ARHGAP11A: variants seen among roughly 807,000 people sequenced by gnomAD.
ARHGAP11A encodes the protein rho GTPase-activating protein 11A.
In ARHGAP11A, 36 loss-of-function variants were observed where a neutral mutation model predicts 60.5. That is an observed-to-expected ratio of 0.59 (90% CI 0.46 to 0.79). The LOEUF is 0.79. Among genes scored for constraint, ARHGAP11A ranks in the 30% least tolerant of loss-of-function variants. The pLI is 0.00. For missense variants in ARHGAP11A, 1,071 were observed against 1,199.2 expected, an observed-to-expected ratio of 0.89 and a Z score of 1.58; for synonymous variants, 362 against 415.5, an observed-to-expected ratio of 0.87 and a Z score of 1.57.
rs1595765895 is a variant in ARHGAP11A at position 32,625,771 on chromosome 15, A to G, written c.862+138A>G. On this transcript the variant is annotated intron_variant, in intron 6 of 11. Transcript: ENST00000361627. ...CTGGAAAGATAGGACGTATGCGTGT[A>G]AAAAGTTAAAGCGATAGTACAATCT... 5 of 845,390 alleles carry G rather than the reference A, an allele frequency of 5.9e-6. No homozygotes were observed. In the East Asian group the frequency reaches 1.2e-4, roughly 21 times the overall value. 52.4% of individuals were successfully genotyped at this position (845,390 alleles called of 1,614,324 possible).
intron 1 of ARHGAP11A, among the ~76,000 whole-genome samples, chr15:32,617,567 G>A (rs1213167032): frequency 6.7e-6 from 1 of 149,972 alleles, no homozygotes; most frequent in Non-Finnish European, 1.5e-5. Context: ...TGCCTCCCGG[G>A]TTCACGCCAT....
At chr15:32,615,362 T>C (rs1349217562), upstream of ARHGAP11A, 1 of 152,152 alleles carries the variant, frequency 6.6e-6, no homozygotes, top group Non-Finnish European at 1.5e-5. Flanking sequence ...GTTTGCCCGT[T>C]ACACCCCTTC....
chr15:32,619,628 G>A (rs1186732233), intron 1 of ARHGAP11A, among the ~76,000 whole-genome samples: 1 of 152,052 alleles, frequency 6.6e-6, no homozygotes, highest in Non-Finnish European at 1.5e-5. Flanking sequence ...ATTTTAGGAA[G>A]ACTCAATGAA....
In ARHGAP11A at chr15:32,636,410, T is replaced by TA; in HGVS notation, c.1638dup (p.Glu547ArgfsTer7). 6.2e-7 allele frequency: 1 copy of TA among 1,614,066 alleles called. No homozygotes were observed. The highest frequency in any genetic ancestry group is 8.5e-7 in the Non-Finnish European group (1 of 1,179,970). On this transcript the variant is annotated frameshift_variant, in exon 12 of 12. Transcript: ENST00000361627. LOFTEE classifies it low-confidence loss of function (END_TRUNC). The stretch of plus-strand genomic sequence containing the variant: ...TCTTCAATGGTGGAAAATCTTGAGG[T>TA]AGAAAACTCTTTGGAGCCTGATATT...
At chr15:32,633,298 G>A (rs983551830) in intron 9 of ARHGAP11A, among the ~76,000 whole-genome samples, 190 bp downstream of exon 9, 13 of 152,056 alleles carry the variant, frequency 8.5e-5, no homozygotes, top group Admixed American at 4.6e-4. Flanking sequence ...ATTTGAGTCC[G>A]CTTTGCTTGC....
rs1253097278 is a variant in ARHGAP11A at position 32,616,265 on chromosome 15, C to T, written c.54C>T (p.Phe18=). 6.2e-7 allele frequency: 1 copy of T among 1,613,842 alleles called. No individual in the cohort carries two copies. Among genetic ancestry groups the T allele is most frequent in the Non-Finnish European group, 8.5e-7 (1 of 1,179,990 alleles). The change falls in exon 1 of 12, where the codon TTC becomes TTT. Residue 18 remains phenylalanine (F), a synonymous_variant. Coordinates refer to ENST00000361627, the MANE Select transcript of ARHGAP11A (RefSeq NM_014783.6). ...CCCTGTTGCAGCATCTGCGGGCCTT[C>T]TATGGTATTAAGGTGAAGGGTGTCC... ...RLALLQHLRA[F]YGIKVKGVRG...
intron 8 of ARHGAP11A, among the ~76,000 whole-genome samples, chr15:32,630,481 C>A (rs2053560635): frequency 6.9e-6 from 1 of 145,652 alleles, no homozygotes; most frequent in Non-Finnish European, 1.5e-5. Flanking sequence ...TACGATCAAC[C>A]AAAAATGAAA....
At chr15:32,618,556 G>A (rs2053216712) in intron 1 of ARHGAP11A, among the ~76,000 whole-genome samples, 2 of 152,162 alleles carry the variant, frequency 1.3e-5, no homozygotes, top group Non-Finnish European at 2.9e-5. Flanking sequence ...ACACCTCTAT[G>A]ACTTAGGATC....
At position 32,639,236 on chromosome 15, in the gene ARHGAP11A, G is replaced by A. The variant is rs2053792910; in HGVS notation, c.*1391G>A. On this transcript the variant is annotated 3_prime_UTR_variant, in exon 12 of 12. Transcript: ENST00000361627. ...AAGCAGACAGAATCAACCACTAAAG[G>A]TAGTTTTTCAGATTGGTTGTTAGAA... 6.6e-6 allele frequency: 1 copy of A among 152,200 alleles called. No individual in the cohort carries two copies. The highest frequency in any genetic ancestry group is 2.4e-5 in the African/African-American group (1 of 41,446). 9.4% of individuals were successfully genotyped at this position (152,200 alleles called of 1,614,324 possible). A position where few individuals can be genotyped will look rare whatever the true frequency, so the allele number is the denominator to read the frequency against.
In ARHGAP11A at chr15:32,621,230, G is replaced by A. The variant is rs147077882; in HGVS notation, c.200+1052G>A. Reference sequence around the variant, plus strand: ...TTGAGACAAGAGTTTCACTCTTGTCGCCCAGGCTGGAGTGCAATGGCGTGA... The same window carrying A: ...TTGAGACAAGAGTTTCACTCTTGTCACCCAGGCTGGAGTGCAATGGCGTGA... On this transcript the variant is annotated intron_variant, in intron 2 of 11. Transcript: ENST00000361627. Among the ~76,000 whole-genome samples the A allele has an allele frequency of 3.7e-3, 426 of 113,958 alleles. 7 individuals are homozygous for A. The East Asian group carries it at 0.072, about 19-fold the overall frequency. The allele number at this position is 113,958 out of a possible 152,430, so 74.8% of individuals were successfully genotyped here.
At chr15:32,630,460 C>T (rs1254302925) in intron 8 of ARHGAP11A, among the ~76,000 whole-genome samples, 2 of 140,918 alleles carry the variant, frequency 1.4e-5, no homozygotes, top group African/African-American at 2.7e-5. Context: ...CAAGTTGGCT[C>T]ATATTAACCT....
chr15:32,627,716 G>A (rs992894695), intron 6 of ARHGAP11A, among the ~76,000 whole-genome samples: 18 of 151,968 alleles, frequency 1.2e-4, no homozygotes, highest in African/African-American at 4.4e-4. Context: ...GCAACATAGC[G>A]AGACTCCGTC....
intron 1 of ARHGAP11A, 149 bp from the exon 2 acceptor site, chr15:32,619,959 T>C: frequency 3.5e-6 from 5 of 1,439,346 alleles, no homozygotes; most frequent in Non-Finnish European, 4.7e-6. Flanking sequence ...TCAAATGCAC[T>C]TGAAATGATT....
intron 2 of ARHGAP11A, among the ~76,000 whole-genome samples, 176 bp downstream of exon 2, chr15:32,620,354 G>A (rs1470032602): frequency 6.6e-6 from 1 of 152,206 alleles, no homozygotes; most frequent in Non-Finnish European, 1.5e-5. Flanking sequence ...GAGCACACTT[G>A]TAGTCCCAGC....
intron 2 of ARHGAP11A, 100 bp from the exon 3 acceptor site, chr15:32,623,392 G>A: frequency 9.4e-7 from 1 of 1,059,988 alleles, no homozygotes; most frequent in Non-Finnish European, 1.3e-6. Context: ...TGGCTTTAGA[G>A]CCTCTGAAAG....
intron 7 of ARHGAP11A, among the ~76,000 whole-genome samples, chr15:32,629,372 C>G (rs2140463248): frequency 6.8e-6 from 1 of 147,810 alleles, no homozygotes; most frequent in South Asian, 2.2e-4. Flanking sequence ...ATTTAAGTAA[C>G]TGCTGTCTCT....
intron 10 of ARHGAP11A, 79 bp from the exon 11 acceptor site, chr15:32,635,698 C>T (rs1002074010): frequency 3.4e-5 from 35 of 1,021,584 alleles, no homozygotes; most frequent in Non-Finnish European, 3.9e-5. Flanking sequence ...ATTTTGATAA[C>T]TACAAAAAAT....
At chr15:32,626,959 C>T (rs1343065388) in intron 6 of ARHGAP11A, among the ~76,000 whole-genome samples, 1 of 152,152 alleles carries the variant, frequency 6.6e-6, no homozygotes, top group East Asian at 1.9e-4. Context: ...TTCATAGGAA[C>T]TGGGGGTTAG....
chr15:32,627,531 C>T (rs2140459706), intron 6 of ARHGAP11A, among the ~76,000 whole-genome samples: 1 of 152,016 alleles, frequency 6.6e-6, no homozygotes, highest in East Asian at 2.0e-4. Flanking sequence ...AGATCGAGAC[C>T]ATCCTAGCTA....
Sources: gnomAD v4.1 joint callset for allele counts (sites outside exome capture counted in the v4.1 genomes callset) on GRCh38, gnomAD v4.1.1 for gene constraint, MANE v1.5 for transcripts, NCBI Gene and HGNC (gene_info 2026-07-23, HGNC 2026-07-21) for gene names.